Variants in PRR3 observed in about 807,000 individuals in gnomAD.
PRR3 encodes proline rich 3.
PRR3 carries 16 observed loss-of-function variants against 22.4 expected under a neutral mutation model. The ratio of observed to expected loss-of-function variants is 0.71; its 90% CI spans 0.48 to 1.09. PRR3 has a LOEUF of 1.09. Among genes scored for constraint, PRR3 ranks in the 50% least tolerant of loss-of-function variants. The pLI, the probability that PRR3 is intolerant of heterozygous loss-of-function variation, is 0.00. For synonymous variants in PRR3, 87 were observed against 88.6 expected, an observed-to-expected ratio of 0.98 and a Z score of 0.10; for missense variants, 224 against 243.4, an observed-to-expected ratio of 0.92 and a Z score of 0.53.
chr6:30,557,750 C>A (rs1220175970), intron 1 of PRR3, among the ~76,000 whole-genome samples: 1 of 152,188 alleles, frequency 6.6e-6, no homozygotes, highest in Non-Finnish European at 1.5e-5. Context: ...TTGCAGATTG[C>A]GATGACTGGG....
intron 2 of PRR3, 28 bp downstream of exon 2, chr6:30,558,240 T>C: frequency 6.3e-7 from 1 of 1,594,704 alleles, no homozygotes; most frequent in Non-Finnish European, 8.6e-7. Flanking sequence ...CTGATCCTTG[T>C]ATTAGGTCGT....
chr6:30,557,348 CCGAAA>C lies in PRR3; in HGVS notation c.10_14del (p.Arg4GlufsTer24). ...TGCAGCCATTGCCGCAGACACGATGCCGAAACGAAAGAAGCAGAATCATCACCAGC... is the reference window on the plus strand; with the variant it reads ...TGCAGCCATTGCCGCAGACACGATGCCGAAAGAAGCAGAATCATCACCAGC... On this transcript the variant is annotated frameshift_variant, in exon 1 of 4. Coordinates refer to ENST00000376560, the MANE Select transcript of PRR3 (RefSeq NM_025263.4). LOFTEE classifies it high-confidence loss of function. The C allele has an allele frequency of 6.2e-7, 1 of 1,611,998 alleles. No homozygotes were observed. The highest frequency in any genetic ancestry group is 8.5e-7 in the Non-Finnish European group (1 of 1,179,580).
Position 30,562,675 on chromosome 6 carries a change from G to C in PRR3, c.*180G>C, listed in dbSNP as rs575594003. The C allele has an allele frequency of 1.8e-6, 1 of 542,238 alleles. No individual in the cohort carries two copies. Among genetic ancestry groups the C allele is most frequent in the South Asian group, 2.6e-5 (1 of 38,034 alleles). 33.6% of individuals were successfully genotyped at this position (542,238 alleles called of 1,614,324 possible). On this transcript the variant is annotated 3_prime_UTR_variant, in exon 4 of 4. Transcript: ENST00000376560. ...GAGTGGTGTTGCATCACTGGTGCGC[G>C]GCATACGCGCTTTCTTCTGATCCAG... is the stretch of plus-strand genomic sequence containing the variant.
intron 2 of PRR3, chr6:30,560,365 CAAA>C (rs1562728040): frequency 6.6e-6 from 1 of 150,708 alleles, no homozygotes; most frequent in Non-Finnish European, 1.5e-5. Context: ...ATTGTCAAAA[CAAA>C]AAATAAAAAT....
In PRR3 at chr6:30,562,144, GC is replaced by G; in HGVS notation, c.460+23del. The G allele has an allele frequency of 6.5e-7, 1 of 1,544,972 alleles. No individual in the cohort carries two copies. The highest frequency in any genetic ancestry group is 8.7e-7 in the Non-Finnish European group (1 of 1,149,766). On this transcript the variant is annotated intron_variant, in intron 3 of 3. Coordinates refer to ENST00000376560, the MANE Select transcript of PRR3 (RefSeq NM_025263.4). ...TGGAAGGTGAGGTCCATTTTGTTATGCCCATTACTCCCAGAGTGACCTAATT... is the reference window on the plus strand; with the variant it reads ...TGGAAGGTGAGGTCCATTTTGTTATGCCATTACTCCCAGAGTGACCTAATT...
chr6:30,558,442 T>G, intron 2 of PRR3: 1 of 548,278 alleles, frequency 1.8e-6, no homozygotes, highest in South Asian at 2.5e-5. Context: ...CCATAATGTT[T>G]TTGTGGAAAT....
At chr6:30,557,670 C>T (rs922828634) in intron 1 of PRR3, among the ~76,000 whole-genome samples, 6 of 152,106 alleles carry the variant, frequency 3.9e-5, no homozygotes, top group African/African-American at 1.4e-4. Flanking sequence ...CTGGAGAAGG[C>T]GGGGGTGGAG....
chr6:30,556,774 G>A, upstream of PRR3: 1 of 439,630 alleles, frequency 2.3e-6, no homozygotes, highest in Non-Finnish European at 4.2e-6. This position sits in a 1 kb window ranked among gnomAD's most constrained non-coding sequence, Gnocchi z 5.7. Flanking sequence ...TTTAGGGGAG[G>A]GCGGCGGTCT....
rs917057866 is a variant in PRR3 at position 30,557,385 on chromosome 6, C to T, written c.41C>T (p.Thr14Ile). Reference protein sequence around the residue: ...RKKQNHHQPPTQQQPPLPERE... With the variant: ...RKKQNHHQPPIQQQPPLPERE... ...AAGCAGAATCATCACCAGCCACCGA[C>T]ACAGCAGCAGCCCCCGCTGCCCGAG... Residue 14 changes from threonine (T) to isoleucine (I), a missense_variant, in exon 1 of 4, where the codon ACA (threonine) becomes ATA (isoleucine). Thr to Ile is a moderately conservative substitution (Grantham distance 89). Transcript: ENST00000376560. 2 of 1,612,800 alleles carry T rather than the reference C, an allele frequency of 1.2e-6. No individual in the cohort carries two copies. The highest frequency in any genetic ancestry group is 2.2e-5 in the East Asian group (1 of 44,882).
At chr6:30,559,390 C>A (rs1800477097) in intron 2 of PRR3, among the ~76,000 whole-genome samples, 1 of 151,906 alleles carries the variant, frequency 6.6e-6, no homozygotes, top group African/African-American at 2.4e-5. Flanking sequence ...AAAGAAAAAA[C>A]AAAATACAAA....
Position 30,562,332 on chromosome 6 carries a change from G to T in PRR3, c.461-57G>T. The T allele has an allele frequency of 3.7e-6, 5 of 1,361,948 alleles. No individual in the cohort carries two copies. In the East Asian group the frequency reaches 6.9e-5, roughly 19 times the overall value. The allele number at this position is 1,361,948 out of a possible 1,614,324, so 84.4% of individuals were successfully genotyped here. On this transcript the variant is annotated intron_variant, in intron 3 of 3. Transcript: ENST00000376560. ...TCTCCTTCTGTCTCTGCGTTTCATT[G>T]TATTTGTTTTCTTTGTTGCTCAAAT...
chr6:30,560,252 C>T (rs1258502500), intron 2 of PRR3: 1 of 152,360 alleles, frequency 6.6e-6, no homozygotes, highest in East Asian at 1.9e-4. Flanking sequence ...GTAATCCCAG[C>T]TACTCGGGTA....
rs768926071 is a variant in PRR3 at position 30,558,151 on chromosome 6, A to G, written c.108A>G (p.Gly36=). The change falls in exon 2 of 4, where the codon GGA becomes GGG. Residue 36 remains glycine, a splice_region_variant and synonymous_variant. Transcript: ENST00000376560. The stretch of plus-strand genomic sequence containing the variant: ...CCATATTTTCATGTCTGCTCTTAGG[A>G]CCACCCAGCCTTCTGGGCCCTCCCC... ...TGDEEDGSPI[G]PPSLLGPPPM... is the part of the protein sequence containing the mutation. The G allele has an allele frequency of 4.3e-6, 7 of 1,612,646 alleles. No individual in the cohort carries two copies. In the East Asian group the frequency reaches 1.6e-4, roughly 36 times the overall value.
At position 30,561,130 on chromosome 6, in the gene PRR3, G is replaced by T; in HGVS notation, c.170-704G>T. On this transcript the variant is annotated intron_variant, in intron 2 of 3. Coordinates refer to ENST00000376560, the MANE Select transcript of PRR3 (RefSeq NM_025263.4). The surrounding 1 kb of genome is among the most constrained non-coding windows in gnomAD (Gnocchi z 4.0). ...CCTAACAATTCCAAGTGTTGTCAAG[G>T]CTATAGGACAACTGCTGGTGAGAGT... is the stretch of plus-strand genomic sequence containing the variant. 1 of 267,978 alleles carries T rather than the reference G, an allele frequency of 3.7e-6. No individual in the cohort carries two copies. Among genetic ancestry groups the T allele is most frequent in the Non-Finnish European group, 7.4e-6 (1 of 135,934 alleles). The allele number at this position is 267,978 out of a possible 1,614,324, so 16.6% of individuals were successfully genotyped here.
At chr6:30,557,491 C>G (rs777551488) in intron 1 of PRR3, 41 bp downstream of exon 1, 1 of 1,456,330 alleles carries the variant, frequency 6.9e-7, no homozygotes, top group Non-Finnish European at 9.5e-7. Context: ...CTGTCAAGCC[C>G]GTCCGGGCAA....
chr6:30,557,164 G>A (rs1292079119), upstream of PRR3: 8 of 704,464 alleles, frequency 1.1e-5, no homozygotes, highest in Non-Finnish European at 1.8e-5. Context: ...TGGCAGAGAC[G>A]GAGGGAGGCA....
At chr6:30,557,290 C>T (rs540271277), upstream of PRR3, 6 of 1,357,386 alleles carry the variant, frequency 4.4e-6, no homozygotes, top group African/African-American at 7.1e-5. Flanking sequence ...AGAATCCCCG[C>T]GTGCCCCTTC....
At chr6:30,557,511 G>A in intron 1 of PRR3, 61 bp downstream of exon 1, 4 of 1,207,510 alleles carry the variant, frequency 3.3e-6, no homozygotes, top group Non-Finnish European at 4.7e-6. Flanking sequence ...AGGGGCTAGG[G>A]GCTAATAAGG....
intron 2 of PRR3, among the ~76,000 whole-genome samples, chr6:30,559,204 CT>C (rs1485918428): frequency 7.2e-5 from 11 of 152,012 alleles, no homozygotes; most frequent in African/African-American, 1.2e-4. Context: ...GGTGAAACCC[CT>C]GTCTCTACTA....
Sources: gnomAD v4.1 joint callset for allele counts (sites outside exome capture counted in the v4.1 genomes callset) on GRCh38, gnomAD v4.1.1 for gene constraint, Gnocchi (gnomAD v3.1) non-coding constraint, MANE v1.5 for transcripts, NCBI Gene and HGNC (gene_info 2026-07-23, HGNC 2026-07-21) for gene names.